PLXNA4: variants seen among roughly 807,000 people sequenced by gnomAD.
PLXNA4 encodes the protein plexin-A4.
PLXNA4 carries 44 observed loss-of-function variants against 191.8 expected under a neutral mutation model. The observed-to-expected ratio is 0.23, with a 90% CI of 0.18 to 0.29. The LOEUF is 0.29. Among genes scored for constraint, PLXNA4 ranks in the 10% least tolerant of loss-of-function variants. The pLI, the probability that PLXNA4 is intolerant of heterozygous loss-of-function variation, is 1.00. For synonymous variants in PLXNA4, 1,082 were observed against 1,009.5 expected, an observed-to-expected ratio of 1.07 and a Z score of -1.36; for missense variants, 1,800 against 2,488.8, an observed-to-expected ratio of 0.72 and a Z score of 5.89.
chr7:132,563,108 CT>C (rs1379077540), intron 1 of PLXNA4, among the ~76,000 whole-genome samples: 34 of 80,996 alleles, frequency 4.2e-4, no homozygotes, highest in Non-Finnish European at 5.5e-4. Flanking sequence ...TCCTCCTCCT[CT>C]CCCTCCTCCT....
At chr7:132,616,565 C>T (rs891780167) in intron 2 of PLXNA4, among the ~76,000 whole-genome samples, 5 of 152,180 alleles carry the variant, frequency 3.3e-5, no homozygotes, top group Admixed American at 2.0e-4. Flanking sequence ...CCAGTATATA[C>T]ATATTTATTT....
At chr7:132,474,384 T>C (rs1178107971) in intron 3 of PLXNA4, among the ~76,000 whole-genome samples, 9 of 152,072 alleles carry the variant, frequency 5.9e-5, no homozygotes, top group Non-Finnish European at 1.0e-4. Context: ...AAAAGTGAGC[T>C]CATAAATCAA....
At chr7:132,210,072 G>T (rs75321463) in intron 10 of PLXNA4, among the ~76,000 whole-genome samples, 6,809 of 152,272 alleles carry the variant, frequency 0.045, 205 homozygotes, top group South Asian at 0.12. Flanking sequence ...ATCTAGATCT[G>T]CCCCTGCTTC....
At chr7:132,194,738 T>G (rs889321652) in intron 13 of PLXNA4, among the ~76,000 whole-genome samples, 12 of 152,186 alleles carry the variant, frequency 7.9e-5, no homozygotes, top group African/African-American at 2.7e-4. Flanking sequence ...TGTGAACTTT[T>G]TCCTTTCTAA....
At chr7:132,490,072 A>G (rs1797727268) in intron 2 of PLXNA4, among the ~76,000 whole-genome samples, 1 of 152,194 alleles carries the variant, frequency 6.6e-6, no homozygotes, top group African/African-American at 2.4e-5. Flanking sequence ...TGGGGAAAGG[A>G]GCAATGGGGG....
intron 4 of PLXNA4, among the ~76,000 whole-genome samples, chr7:132,247,595 C>T (rs1799103488): frequency 6.6e-6 from 1 of 152,172 alleles, no homozygotes; most frequent in Non-Finnish European, 1.5e-5. Context: ...CTCAGTAATA[C>T]ACATGGGTCT....
At chr7:132,225,301 T>C (rs1020165544) in intron 8 of PLXNA4, among the ~76,000 whole-genome samples, 1 of 152,216 alleles carries the variant, frequency 6.6e-6, no homozygotes, top group Non-Finnish European at 1.5e-5. Context: ...CTTTTACCCC[T>C]TGTGGCTGTC....
At chr7:132,267,981 T>C (rs1372892673) in intron 4 of PLXNA4, among the ~76,000 whole-genome samples, 2 of 152,182 alleles carry the variant, frequency 1.3e-5, no homozygotes, top group Admixed American at 6.5e-5. Context: ...AGGACCAGTA[T>C]TGATTGGCTT....
chr7:132,259,227 T>C (rs756664909), intron 4 of PLXNA4, among the ~76,000 whole-genome samples: 1 of 151,700 alleles, frequency 6.6e-6, no homozygotes, highest in Non-Finnish European at 1.5e-5. Context: ...AGGCTCAGAC[T>C]TATTTCTCAG....
chr7:132,339,539 C>T (rs755102799), intron 3 of PLXNA4, among the ~76,000 whole-genome samples: 27 of 152,168 alleles, frequency 1.8e-4, no homozygotes, highest in Non-Finnish European at 3.1e-4. Flanking sequence ...TTACTGTGTA[C>T]CTACCATATG....
At chr7:132,638,426 C>G (rs915522078) in intron 2 of PLXNA4, among the ~76,000 whole-genome samples, 1 of 152,058 alleles carries the variant, frequency 6.6e-6, no homozygotes, top group Admixed American at 6.6e-5. Flanking sequence ...CTGAGGCAGG[C>G]AGATCACTTG....
At chr7:132,426,096 C>T (rs1795031845) in intron 3 of PLXNA4, among the ~76,000 whole-genome samples, 1 of 152,330 alleles carries the variant, frequency 6.6e-6, no homozygotes, top group South Asian at 2.1e-4. Context: ...ATTCCTGCCT[C>T]AGAAAAGGGG....
chr7:132,388,352 A>G (rs994509985), intron 3 of PLXNA4, among the ~76,000 whole-genome samples: 10 of 152,064 alleles, frequency 6.6e-5, no homozygotes, highest in Middle Eastern at 6.3e-3. Flanking sequence ...AGGACCCCCA[A>G]TGTTAAGTAT....
intron 2 of PLXNA4, among the ~76,000 whole-genome samples, chr7:132,632,682 A>G (rs986323466): frequency 6.6e-6 from 1 of 152,260 alleles, no homozygotes; most frequent in Non-Finnish European, 1.5e-5. Flanking sequence ...TAAGCACATT[A>G]AAAATAAATC....
chr7:132,214,584 T>G (rs1324951091), intron 9 of PLXNA4, among the ~76,000 whole-genome samples: 3 of 151,978 alleles, frequency 2.0e-5, no homozygotes, highest in Non-Finnish European at 2.9e-5. Flanking sequence ...GATCCTGACC[T>G]GCCCCGCGCT....
chr7:132,390,356 G>A lies in PLXNA4; in HGVS notation c.1372-92134C>T, dbSNP rs188940003. 5.6e-4 allele frequency among the ~76,000 whole-genome samples: 85 copies of A among 152,214 alleles called. 1 individual carries two copies. Among genetic ancestry groups the A allele is most frequent in the Admixed American group, 9.2e-4 (14 of 15,286 alleles). ...ACTGCACGTTCTCACTCCTAAGTGG[G>A]AGTTGAACAATGAGAACACATGGAC... On this transcript the variant is annotated intron_variant, in intron 3 of 31. Coordinates refer to ENST00000321063, the MANE Select transcript of PLXNA4 (RefSeq NM_020911.2).
At chr7:132,604,251 A>G (rs1000133614) in intron 2 of PLXNA4, among the ~76,000 whole-genome samples, 1 of 152,202 alleles carries the variant, frequency 6.6e-6, no homozygotes, top group African/African-American at 2.4e-5. Flanking sequence ...ATAGTGGCCC[A>G]TGAACTCCCA....
At chr7:132,624,623 G>A (rs1803334176) in intron 2 of PLXNA4, among the ~76,000 whole-genome samples, 1 of 152,142 alleles carries the variant, frequency 6.6e-6, no homozygotes, top group East Asian at 1.9e-4. Context: ...CTTGGAAAGG[G>A]AAGCATGAGC....
chr7:132,132,457 G>GCTCTGCTCTATTCT (rs1563048263), intron 31 of PLXNA4, among the ~76,000 whole-genome samples: 8 of 46,930 alleles, frequency 1.7e-4, no homozygotes, highest in Admixed American at 2.7e-4. Context: ...GTTCTGTTCT[G>GCTCTGCTCTATTCT]TTCTGTTCTG....
Sources: allele counts gnomAD v4.1 joint callset (sites outside exome capture counted in the v4.1 genomes callset), GRCh38; gene constraint gnomAD v4.1.1; transcripts MANE v1.5; gene names NCBI Gene and HGNC (gene_info 2026-07-23, HGNC 2026-07-21).